The following NAV3 variants were observed in gnomAD, a reference collection of about 807,000 sequenced individuals.
The protein encoded by NAV3 is pore membrane and/or filament interacting like protein 1.
In NAV3, 87 loss-of-function variants were observed where a neutral mutation model predicts 244.7. That is an observed-to-expected ratio of 0.36 (90% CI 0.30 to 0.42). NAV3 has a LOEUF of 0.42. NAV3 is among the 20% of genes least tolerant of loss of function. The pLI is 1.00. For synonymous variants in NAV3, 1,126 were observed against 1,042.2 expected, an observed-to-expected ratio of 1.08 and a Z score of -1.55; for missense variants, 2,663 against 2,893.3, an observed-to-expected ratio of 0.92 and a Z score of 1.83.
chr12:78,166,227 TG>T (rs1957776465), intron 23 of NAV3, among the ~76,000 whole-genome samples: 1 of 151,620 alleles, frequency 6.6e-6, no homozygotes, highest in African/African-American at 2.4e-5. Flanking sequence ...CTTTTAACAG[TG>T]AGGAAGGATG....
intron 1 of NAV3, among the ~76,000 whole-genome samples, chr12:77,878,689 C>A (rs929706516): frequency 1.3e-5 from 2 of 149,828 alleles, no homozygotes; most frequent in South Asian, 2.1e-4. Context: ...AAAACAAGGT[C>A]TTTTTTTAAA....
At chr12:77,944,503 G>A (rs1378452571) in intron 3 of NAV3, among the ~76,000 whole-genome samples, 1 of 151,966 alleles carries the variant, frequency 6.6e-6, no homozygotes, top group African/African-American at 2.4e-5. Flanking sequence ...AGGGAGGAAG[G>A]TGATGAATTC....
intron 7 of NAV3, among the ~76,000 whole-genome samples, chr12:78,005,693 C>T (rs890759052): frequency 6.6e-6 from 1 of 152,092 alleles, no homozygotes; most frequent in African/African-American, 2.4e-5. Flanking sequence ...AAGCCTAGCT[C>T]CACCATACAC....
chr12:77,725,348 T>C (rs1271180560), intron 2 of NAV3, among the ~76,000 whole-genome samples: 1 of 152,012 alleles, frequency 6.6e-6, no homozygotes, highest in Non-Finnish European at 1.5e-5. Context: ...TCTTTTGTAA[T>C]ATTCATATAA....
intron 7 of NAV3, among the ~76,000 whole-genome samples, chr12:78,005,388 G>T (rs1874022347): frequency 6.6e-6 from 1 of 152,150 alleles, no homozygotes; most frequent in Non-Finnish European, 1.5e-5. Flanking sequence ...TTAAGAAACA[G>T]CCCTTTAAAA....
intron 38 of NAV3, 85 bp from the exon 39 acceptor site, chr12:78,204,850 A>G: frequency 8.1e-7 from 1 of 1,242,194 alleles, no homozygotes; most frequent in Non-Finnish European, 1.1e-6. Context: ...CAATATGTCA[A>G]AAAATCACAT....
At chr12:77,914,340 T>C (rs560730820) in intron 1 of NAV3, among the ~76,000 whole-genome samples, 37 of 152,170 alleles carry the variant, frequency 2.4e-4, no homozygotes, top group African/African-American at 8.7e-4. Flanking sequence ...GCAAGATGTT[T>C]TTTGGAGGTA....
At chr12:77,963,105 T>C (rs907318743) in intron 3 of NAV3, among the ~76,000 whole-genome samples, 3 of 152,110 alleles carry the variant, frequency 2.0e-5, no homozygotes, top group Non-Finnish European at 4.4e-5. Flanking sequence ...AAAATAACTT[T>C]TATCTGTTTG....
intron 29 of NAV3, among the ~76,000 whole-genome samples, chr12:78,180,315 G>T (rs79708567): frequency 6.6e-6 from 1 of 152,084 alleles, no homozygotes; most frequent in African/African-American, 2.4e-5. Context: ...AGATTCATCT[G>T]CCACTGTATA....
At position 77,796,845 on chromosome 12, in the gene NAV3, G is replaced by GTTT. The variant is rs146502457; in HGVS notation, c.73-143465_73-143463dup. On this transcript the variant is annotated intron_variant, in intron 2 of 8. Coordinates refer to the NAV3 transcript ENST00000550042. ...TAGCAATAAAGTATTTTTAATTAAG[G>GTTT]TTTTTTTTTTTAAATATAATGCTAT... 4.0e-5 allele frequency among the ~76,000 whole-genome samples: 6 copies of GTTT among 149,106 alleles called. No homozygotes were observed. In the East Asian group the frequency reaches 1.2e-3, roughly 29 times the overall value.
At chr12:78,092,258 T>G (rs1035489042) in intron 12 of NAV3, among the ~76,000 whole-genome samples, 3 of 152,006 alleles carry the variant, frequency 2.0e-5, no homozygotes, top group Admixed American at 1.3e-4. Flanking sequence ...AAAAACAAAG[T>G]ATAACAGGTT....
chr12:77,837,183 A>G (rs935304089), intron 1 of NAV3, among the ~76,000 whole-genome samples: 1 of 151,832 alleles, frequency 6.6e-6, no homozygotes, highest in African/African-American at 2.4e-5. Flanking sequence ...GGACTCAGAT[A>G]TATAGAGTAA....
intron 30 of NAV3, 54 bp downstream of exon 30, chr12:78,181,099 TGGG>T: frequency 6.5e-7 from 1 of 1,537,600 alleles, no homozygotes; most frequent in Non-Finnish European, 8.9e-7. Flanking sequence ...AGTTAACGGG[TGGG>T]AAGCCTGGAA....
At chr12:77,683,793 G>A (rs1476755580) in intron 2 of NAV3, among the ~76,000 whole-genome samples, 2 of 151,918 alleles carry the variant, frequency 1.3e-5, no homozygotes, top group African/African-American at 4.8e-5. Flanking sequence ...TTTATTTCTT[G>A]AATATTGTTC....
At chr12:78,009,606 A>G (rs1474769096) in intron 8 of NAV3, among the ~76,000 whole-genome samples, 3 of 152,136 alleles carry the variant, frequency 2.0e-5, no homozygotes, top group African/African-American at 7.2e-5. Context: ...ATATGTAAAG[A>G]TTCTGACCCA....
chr12:78,090,189 GTA>G (rs34476960), intron 12 of NAV3, among the ~76,000 whole-genome samples: 11,269 of 146,466 alleles, frequency 0.077, 428 homozygotes, highest in Admixed American at 0.086. Flanking sequence ...ATATATGTGT[GTA>G]TATATATATA....
intron 2 of NAV3, among the ~76,000 whole-genome samples, chr12:77,588,064 T>C (rs760563013): frequency 1.4e-3 from 209 of 152,322 alleles, no homozygotes; most frequent in Middle Eastern, 3.4e-3. Context: ...TGCACATCCA[T>C]CATTCCCAAA....
intron 7 of NAV3, among the ~76,000 whole-genome samples, chr12:78,005,235 T>A (rs1456174150): frequency 1.3e-5 from 2 of 152,134 alleles, no homozygotes; most frequent in African/African-American, 2.4e-5. Context: ...AAGAGTTTAT[T>A]TTGGTTTTAG....
intron 1 of NAV3, among the ~76,000 whole-genome samples, chr12:77,861,983 G>T (rs187519104): frequency 6.6e-6 from 1 of 151,374 alleles, no homozygotes; most frequent in Admixed American, 6.6e-5. Context: ...AAATACTATC[G>T]AAAGTCAAGA....
Sources: allele counts gnomAD v4.1 joint callset (sites outside exome capture counted in the v4.1 genomes callset), GRCh38; gene constraint gnomAD v4.1.1; transcripts MANE v1.5; gene names NCBI Gene and HGNC (gene_info 2026-07-23, HGNC 2026-07-21).